WWOX: variants seen among roughly 807,000 people sequenced by gnomAD.
WWOX encodes the protein WW domain containing oxidoreductase.
In WWOX, 69 loss-of-function variants were observed where a neutral mutation model predicts 46.2. That is an observed-to-expected ratio of 1.49 (90% CI 1.23 to 1.82). The LOEUF (loss-of-function observed/expected upper bound fraction) is 1.82. Among genes scored for constraint, WWOX ranks in the 40% most tolerant of loss-of-function variants. The pLI is 0.00. For synonymous variants in WWOX, 359 were observed against 202.6 expected, an observed-to-expected ratio of 1.77 and a Z score of -6.56; for missense variants, 919 against 542.6, an observed-to-expected ratio of 1.69 and a Z score of -6.89.
chr16:78,208,268 G>C (rs2036454959), intron 5 of WWOX, among the ~76,000 whole-genome samples: 1 of 152,182 alleles, frequency 6.6e-6, no homozygotes, highest in Non-Finnish European at 1.5e-5. Flanking sequence ...TAACAATGTA[G>C]GAGATAACGA....
chr16:79,197,382 C>T (rs1038675666), intron 8 of WWOX, among the ~76,000 whole-genome samples: 2 of 152,184 alleles, frequency 1.3e-5, no homozygotes, highest in Non-Finnish European at 2.9e-5. Context: ...CCTCCCAACT[C>T]TGCATTCAGT....
chr16:78,642,351 A>G (rs1223573128), intron 8 of WWOX, among the ~76,000 whole-genome samples: 1 of 152,134 alleles, frequency 6.6e-6, no homozygotes. Flanking sequence ...CTGTCTCCAG[A>G]TTCCTTGTTC....
chr16:78,823,993 C>G (rs1024579905), intron 8 of WWOX, among the ~76,000 whole-genome samples: 5 of 152,008 alleles, frequency 3.3e-5, no homozygotes, highest in African/African-American at 9.7e-5. Flanking sequence ...AGCCTGGTCT[C>G]AAACTTCTGG....
intron 5 of WWOX, among the ~76,000 whole-genome samples, chr16:78,208,667 C>T (rs1310674450): frequency 6.6e-6 from 1 of 152,182 alleles, no homozygotes; most frequent in Non-Finnish European, 1.5e-5. Flanking sequence ...ACTCCATTTA[C>T]TGTGTGCTGT....
At chr16:79,078,213 G>T (rs1032790694) in intron 8 of WWOX, 1 of 152,184 alleles carries the variant, frequency 6.6e-6, no homozygotes, top group African/African-American at 2.4e-5. Flanking sequence ...AAAGTCTGTG[G>T]CTCCAGTATT....
intron 5 of WWOX, chr16:78,179,722 C>G (rs780961120): frequency 6.6e-6 from 1 of 152,138 alleles, no homozygotes; most frequent in Non-Finnish European, 1.5e-5. Flanking sequence ...AAGACTGAGT[C>G]TTAGGGAACA....
intron 8 of WWOX, among the ~76,000 whole-genome samples, chr16:78,817,909 T>C (rs1172911340): frequency 6.6e-6 from 1 of 152,198 alleles, no homozygotes; most frequent in Non-Finnish European, 1.5e-5. Flanking sequence ...CATTGGGCTT[T>C]CCAGGAAGGA....
At position 78,350,186 on chromosome 16, in the gene WWOX, G is replaced by C. The variant is rs2081160223; in HGVS notation, c.517-36674G>C. 1.7e-5 allele frequency among the ~76,000 whole-genome samples: 2 copies of C among 120,830 alleles called. 1 individual carries two copies. The highest frequency in any genetic ancestry group is 4.0e-5 in the Non-Finnish European group (2 of 50,610). 79.3% of individuals were successfully genotyped at this position (120,830 alleles called of 152,430 possible). ...CAATCTCATCAGAGTCCCAATAGTT[G>C]CCTGATATGTCTCCATCAGTTGTGA... On this transcript the variant is annotated intron_variant, in intron 5 of 8. Transcript: ENST00000566780.
intron 8 of WWOX, among the ~76,000 whole-genome samples, chr16:78,846,799 G>A (rs1393754179): frequency 6.6e-6 from 1 of 152,146 alleles, no homozygotes; most frequent in Non-Finnish European, 1.5e-5. Flanking sequence ...TGCCTGCAAT[G>A]ATTAATACTG....
chr16:78,998,748 A>G (rs896503957), intron 8 of WWOX, among the ~76,000 whole-genome samples: 4 of 152,236 alleles, frequency 2.6e-5, no homozygotes, highest in African/African-American at 9.6e-5. Context: ...AAAGGTGGAA[A>G]CAAGCGTTGC....
At chr16:78,354,858 G>A (rs2151908850) in intron 5 of WWOX, among the ~76,000 whole-genome samples, 1 of 152,238 alleles carries the variant, frequency 6.6e-6, no homozygotes, top group East Asian at 1.9e-4. Context: ...TGACAGCCAG[G>A]GGTGGTGGTG....
intron 8 of WWOX, among the ~76,000 whole-genome samples, chr16:79,104,354 A>G (rs1253636705): frequency 6.6e-6 from 1 of 152,218 alleles, no homozygotes; most frequent in Non-Finnish European, 1.5e-5. Context: ...CAAAATTACA[A>G]TGAAAACTCA....
chr16:78,699,173 C>A (rs1009447335), intron 8 of WWOX, among the ~76,000 whole-genome samples: 3 of 152,186 alleles, frequency 2.0e-5, no homozygotes, highest in Non-Finnish European at 4.4e-5. Context: ...AGGTCACGGG[C>A]CACATTTGGC....
intron 8 of WWOX, among the ~76,000 whole-genome samples, chr16:78,874,244 A>G (rs2044187991): frequency 1.4e-5 from 2 of 145,608 alleles, no homozygotes; most frequent in Admixed American, 7.0e-5. Context: ...CGACAGAGCG[A>G]GACTCTGTCT....
At chr16:78,806,591 C>T (rs906088291) in intron 8 of WWOX, among the ~76,000 whole-genome samples, 1 of 152,104 alleles carries the variant, frequency 6.6e-6, no homozygotes. Flanking sequence ...TACACATTGT[C>T]TCCATGTACC....
At chr16:78,148,912 A>G (rs895553799) in intron 4 of WWOX, among the ~76,000 whole-genome samples, 24 of 151,262 alleles carry the variant, frequency 1.6e-4, no homozygotes, top group African/African-American at 2.7e-4. Flanking sequence ...AAAAAAAAAA[A>G]AAAAAAAAAA....
At chr16:79,100,117 A>G (rs1263269694) in intron 8 of WWOX, among the ~76,000 whole-genome samples, 2 of 152,226 alleles carry the variant, frequency 1.3e-5, no homozygotes, top group South Asian at 2.1e-4. Context: ...AAGGGCTTCA[A>G]TCACATCTAC....
intron 8 of WWOX, among the ~76,000 whole-genome samples, chr16:78,682,505 C>A (rs1039461347): frequency 2.0e-5 from 3 of 152,056 alleles, no homozygotes; most frequent in Admixed American, 6.6e-5. Flanking sequence ...ATACCACGAG[C>A]CCAGGAGTTG....
intron 8 of WWOX, among the ~76,000 whole-genome samples, chr16:78,477,429 T>C (rs535625415): frequency 6.6e-6 from 1 of 152,270 alleles, no homozygotes; most frequent in Admixed American, 6.5e-5. Context: ...ATTTGCATGC[T>C]GTGAAGAGGC....
Sources: gnomAD v4.1 joint callset for allele counts (sites outside exome capture counted in the v4.1 genomes callset) on GRCh38, gnomAD v4.1.1 for gene constraint, MANE v1.5 for transcripts, NCBI Gene and HGNC (gene_info 2026-07-23, HGNC 2026-07-21) for gene names.